ZBTB7C: variants seen among roughly 807,000 people sequenced by gnomAD.
The protein encoded by ZBTB7C is zinc finger and BTB domain-containing protein 7C.
A neutral mutation model predicts 25.7 loss-of-function variants in ZBTB7C; 8 were observed. The ratio of observed to expected loss-of-function variants is 0.31; its 90% CI spans 0.18 to 0.56. The LOEUF (loss-of-function observed/expected upper bound fraction) is 0.56. Ranked by LOEUF, ZBTB7C falls within the 20% of genes least tolerant of loss-of-function variation. ZBTB7C has a pLI of 0.91. For missense variants in ZBTB7C, 824 were observed against 855.2 expected, an observed-to-expected ratio of 0.96 and a Z score of 0.46; for synonymous variants, 394 against 369.0, an observed-to-expected ratio of 1.07 and a Z score of -0.78.
chr18:48,100,707 T>G (rs2038798293), intron 3 of ZBTB7C, among the ~76,000 whole-genome samples: 1 of 152,134 alleles, frequency 6.6e-6, no homozygotes, highest in Non-Finnish European at 1.5e-5. Context: ...TTACATTATT[T>G]TAATAAGGGG....
At chr18:48,329,881 A>G (rs1355974945) in intron 2 of ZBTB7C, among the ~76,000 whole-genome samples, 1 of 152,160 alleles carries the variant, frequency 6.6e-6, no homozygotes, top group Non-Finnish European at 1.5e-5. Flanking sequence ...AGAACTGTCC[A>G]TGTCATCTCA....
chr18:48,123,195 T>C (rs1415023047), intron 3 of ZBTB7C, among the ~76,000 whole-genome samples: 7 of 151,950 alleles, frequency 4.6e-5, no homozygotes, highest in Non-Finnish European at 1.0e-4. Context: ...ATGATAGGGG[T>C]TGAAAGGGGG....
rs573177598 is a variant in ZBTB7C, at chr18:48,167,453, A to G, written c.-17+18481T>C. On this transcript the variant is annotated intron_variant, in intron 3 of 4. Coordinates refer to ENST00000590800, the MANE Select transcript of ZBTB7C (RefSeq NM_001318841.2). ...CCCCAACAAAGAAATGCACCCTGAA[A>G]GCCTGTGGCACTAAGGTATGGGGGA... 3.9e-5 allele frequency among the ~76,000 whole-genome samples: 6 copies of G among 152,274 alleles called. No homozygotes were observed. The East Asian group carries it at 7.7e-4, about 20-fold the overall frequency.
chr18:48,110,020 T>C (rs73431303), intron 3 of ZBTB7C, among the ~76,000 whole-genome samples: 12,770 of 151,598 alleles, frequency 0.084, 594 homozygotes, highest in African/African-American at 0.14. Flanking sequence ...CACAGGCCCA[T>C]AGGCAGATAG....
At chr18:48,301,292 AAC>A (rs1305687740) in intron 2 of ZBTB7C, among the ~76,000 whole-genome samples, 1 of 152,216 alleles carries the variant, frequency 6.6e-6, no homozygotes, top group African/African-American at 2.4e-5. Context: ...CAGCCTGGTC[AAC>A]ATGGCAAAAC....
chr18:48,382,007 G>A (rs2047643445), intron 1 of ZBTB7C, among the ~76,000 whole-genome samples: 1 of 152,196 alleles, frequency 6.6e-6, no homozygotes. Context: ...CTACGGAAAA[G>A]GCTTGTTATC....
At chr18:48,172,398 T>A (rs2041513359) in intron 3 of ZBTB7C, among the ~76,000 whole-genome samples, 1 of 152,092 alleles carries the variant, frequency 6.6e-6, no homozygotes, top group Non-Finnish European at 1.5e-5. Context: ...CAGGACCTGT[T>A]AGGTTTCTCA....
At chr18:48,259,783 G>C (rs1047667217) in intron 2 of ZBTB7C, among the ~76,000 whole-genome samples, 5 of 152,190 alleles carry the variant, frequency 3.3e-5, no homozygotes, top group South Asian at 2.1e-4. Flanking sequence ...TTAGTTATAA[G>C]GGACATGAAA....
chr18:48,140,807 C>G (rs1568250793), intron 3 of ZBTB7C, among the ~76,000 whole-genome samples: 4 of 152,132 alleles, frequency 2.6e-5, no homozygotes, highest in South Asian at 4.1e-4. Flanking sequence ...ACCCGCGCCC[C>G]CAGCCAAACC....
chr18:48,072,081 C>G (rs1379793609), intron 3 of ZBTB7C, among the ~76,000 whole-genome samples: 1 of 152,204 alleles, frequency 6.6e-6, no homozygotes, highest in East Asian at 1.9e-4. Flanking sequence ...AATGATGAAT[C>G]TTACTTTACG....
intron 3 of ZBTB7C, among the ~76,000 whole-genome samples, chr18:48,177,832 C>T (rs985214785): frequency 6.6e-6 from 1 of 152,148 alleles, no homozygotes; most frequent in Admixed American, 6.5e-5. Flanking sequence ...TCAGCTCAGC[C>T]TGTAGGGCCC....
chr18:48,207,882 C>T (rs773704694), intron 2 of ZBTB7C, among the ~76,000 whole-genome samples: 2 of 152,118 alleles, frequency 1.3e-5, no homozygotes, highest in Admixed American at 6.5e-5. Flanking sequence ...GAGGGAGTTC[C>T]GACTGGACGG....
chr18:48,179,585 C>T (rs1347984904), intron 3 of ZBTB7C, among the ~76,000 whole-genome samples: 2 of 152,070 alleles, frequency 1.3e-5, no homozygotes, highest in African/African-American at 4.8e-5. Flanking sequence ...GGGAGACCAT[C>T]TCGGGAGGGA....
chr18:48,065,246 G>A (rs1335855861), intron 3 of ZBTB7C, among the ~76,000 whole-genome samples: 2 of 151,590 alleles, frequency 1.3e-5, no homozygotes, highest in Non-Finnish European at 2.9e-5. Flanking sequence ...TTGCTTATTT[G>A]CAACTATGAA....
intron 3 of ZBTB7C, among the ~76,000 whole-genome samples, chr18:48,166,606 T>C (rs965655073): frequency 5.9e-5 from 9 of 152,166 alleles, no homozygotes; most frequent in Non-Finnish European, 1.3e-4. Context: ...GCACCTGGCC[T>C]GGTCCTCAGC....
intron 3 of ZBTB7C, among the ~76,000 whole-genome samples, chr18:48,083,326 T>C (rs1427605878): frequency 6.6e-6 from 1 of 152,128 alleles, no homozygotes; most frequent in East Asian, 1.9e-4. Context: ...GGGGCTGTAA[T>C]TGATGCCAAA....
chr18:48,052,431 G>T (rs2036726301), intron 3 of ZBTB7C, among the ~76,000 whole-genome samples: 1 of 152,194 alleles, frequency 6.6e-6, no homozygotes, highest in Admixed American at 6.5e-5. Flanking sequence ...AGGCATTAAG[G>T]TGCTCCACAG....
intron 3 of ZBTB7C, among the ~76,000 whole-genome samples, chr18:48,133,868 C>T (rs916590697): frequency 6.6e-6 from 1 of 152,148 alleles, no homozygotes; most frequent in Non-Finnish European, 1.5e-5. Flanking sequence ...CAGCTCTCTC[C>T]CTGGCCCAAC....
chr18:48,124,128 C>T (rs2039721581), intron 3 of ZBTB7C, among the ~76,000 whole-genome samples: 1 of 152,200 alleles, frequency 6.6e-6, no homozygotes, highest in Non-Finnish European at 1.5e-5. Flanking sequence ...AGGCTGGGCC[C>T]CTTTAATTGG....
Sources: allele counts gnomAD v4.1 joint callset (sites outside exome capture counted in the v4.1 genomes callset), GRCh38; gene constraint gnomAD v4.1.1; transcripts MANE v1.5; gene names NCBI Gene and HGNC (gene_info 2026-07-23, HGNC 2026-07-21).